The following PCDHGB3 variants were observed in gnomAD, a reference collection of about 807,000 sequenced individuals.
The protein encoded by PCDHGB3 is protocadherin gamma-B3.
PCDHGB3 carries 40 observed loss-of-function variants against 59.2 expected under a neutral mutation model. That is an observed-to-expected ratio of 0.68 (90% CI 0.52 to 0.88). The LOEUF (loss-of-function observed/expected upper bound fraction) is 0.88, where lower values mean the gene tolerates loss of function less well. PCDHGB3 is among the 40% of genes least tolerant of loss of function. PCDHGB3 has a pLI of 0.00. For synonymous variants in PCDHGB3, 581 were observed against 503.6 expected, an observed-to-expected ratio of 1.15 and a Z score of -2.06; for missense variants, 1,309 against 1,187.9, an observed-to-expected ratio of 1.10 and a Z score of -1.50.
At chr5:141,393,768 A>G in intron 1 of PCDHGB3, 1 of 1,613,968 alleles carries the variant, frequency 6.2e-7, no homozygotes, top group East Asian at 2.2e-5. Flanking sequence ...TGAAATGGAA[A>G]TACAAGCCGA....
chr5:141,469,226 A>G (rs998643671), intron 1 of PCDHGB3, among the ~76,000 whole-genome samples: 1 of 152,066 alleles, frequency 6.6e-6, no homozygotes, highest in Non-Finnish European at 1.5e-5. Context: ...TCAGTGAGCC[A>G]TGATCACCCC....
chr5:141,462,070 G>C lies in PCDHGB3; in HGVS notation c.2416-32737G>C, dbSNP rs572217894. Among the ~76,000 whole-genome samples, 18 of 152,196 alleles carry C rather than the reference G, an allele frequency of 1.2e-4. No individual in the cohort carries two copies. In the South Asian group the frequency reaches 3.7e-3, roughly 32 times the overall value. On this transcript the variant is annotated intron_variant, in intron 1 of 3. Coordinates refer to ENST00000576222, the MANE Select transcript of PCDHGB3 (RefSeq NM_018924.5). ...ACTCCCGACCTCAGGTGATCTGCCC[G>C]CCTTGGCCTCCCAAAATGCTGGGAT...
At chr5:141,441,763 G>A in intron 1 of PCDHGB3, 1 of 384,020 alleles carries the variant, frequency 2.6e-6, no homozygotes, top group Non-Finnish European at 5.2e-6. Flanking sequence ...GTGAGCCTGC[G>A]CGTGTTGGTG....
intron 1 of PCDHGB3, chr5:141,415,444 T>A (rs770800491): frequency 1.9e-6 from 3 of 1,614,184 alleles, no homozygotes; most frequent in Non-Finnish European, 2.5e-6. Context: ...CCTGCAGACC[T>A]ATTCCCACGA....
At chr5:141,426,834 A>G (rs1561824131) in intron 1 of PCDHGB3, 1 of 456,724 alleles carries the variant, frequency 2.2e-6, no homozygotes, top group South Asian at 1.5e-5. Flanking sequence ...GATGGACAAG[A>G]CTAAAGGCAA....
At chr5:141,488,183 T>C (rs1249953031) in intron 1 of PCDHGB3, among the ~76,000 whole-genome samples, 1 of 152,148 alleles carries the variant, frequency 6.6e-6, no homozygotes, top group Non-Finnish European at 1.5e-5. Flanking sequence ...CATAGATCTT[T>C]TGGTCTGGGT....
At chr5:141,375,865 GGACA>G in intron 1 of PCDHGB3, 2 of 1,613,976 alleles carry the variant, frequency 1.2e-6, no homozygotes. Context: ...TGGTGGCGGT[GGACA>G]GAGACTCGGG....
chr5:141,500,350 A>G (rs2099799466), intron 2 of PCDHGB3, among the ~76,000 whole-genome samples: 1 of 151,976 alleles, frequency 6.6e-6, no homozygotes, highest in African/African-American at 2.4e-5. Flanking sequence ...CTGGGACTAC[A>G]GGCGCCCACT....
intron 1 of PCDHGB3, chr5:141,374,914 A>G: frequency 6.2e-7 from 1 of 1,613,906 alleles, no homozygotes; most frequent in African/African-American, 1.3e-5. Context: ...ACGGGGAAGT[A>G]ACTTATTCCT....
At chr5:141,375,379 G>A in intron 1 of PCDHGB3, 1 of 1,613,912 alleles carries the variant, frequency 6.2e-7, no homozygotes, top group Non-Finnish European at 8.5e-7. Context: ...CACCACCTCT[G>A]TCTACAGAAA....
chr5:141,383,028 C>A (rs1561593921), intron 1 of PCDHGB3: 23 of 1,613,814 alleles, frequency 1.4e-5, no homozygotes, highest in Non-Finnish European at 1.9e-5. Flanking sequence ...ACAAAGGGTC[C>A]TTTGTGGGAG....
rs1236813956 is a variant in PCDHGB3, at chr5:141,480,634, TTTCAAAC to T, written c.2416-14170_2416-14164del. On this transcript the variant is annotated intron_variant, in intron 1 of 3. Transcript: ENST00000576222. The stretch of plus-strand genomic sequence containing the variant: ...ACTGGCATTTTCCCTAGAACAATGT[TTTCAAAC>T]TTGGTTGCACATTAAAATCACCTAG... Among the ~76,000 whole-genome samples the T allele has an allele frequency of 3.9e-5, 6 of 152,332 alleles. No individual in the cohort carries two copies. In the East Asian group the frequency reaches 1.2e-3, roughly 29 times the overall value.
At chr5:141,420,245 G>T (rs72790042) in intron 1 of PCDHGB3, 1 of 1,584,230 alleles carries the variant, frequency 6.3e-7, no homozygotes, top group East Asian at 2.2e-5. Flanking sequence ...AACTCCCAGC[G>T]TTGAAGCAGA....
At position 141,372,739 on chromosome 5, in the gene PCDHGB3, GT is replaced by G; in HGVS notation, c.2346del (p.Cys782TrpfsTer67). 6.2e-7 allele frequency: 1 copy of G among 1,613,668 alleles called. No individual in the cohort carries two copies. Among genetic ancestry groups the G allele is most frequent in the Non-Finnish European group, 8.5e-7 (1 of 1,179,658 alleles). On this transcript the variant is annotated frameshift_variant, in exon 1 of 4. Coordinates refer to ENST00000576222, the MANE Select transcript of PCDHGB3 (RefSeq NM_018924.5). LOFTEE classifies it high-confidence loss of function. The part of the protein sequence containing the change: ...AENAAPQDLL[C>X]DEASWFESND... ...AATGCTGCACCACAAGATCTTCTAT[GT>G]GATGAAGCCTCTTGGTTTGAAAGTA...
intron 1 of PCDHGB3, among the ~76,000 whole-genome samples, chr5:141,492,824 C>T (rs1027583244): frequency 4.6e-5 from 7 of 152,236 alleles, no homozygotes. Context: ...ACCAGCGGCC[C>T]CTTCCTCCCG....
chr5:141,421,592 T>C (rs1590304832), intron 1 of PCDHGB3: 1 of 1,613,272 alleles, frequency 6.2e-7, no homozygotes, highest in Non-Finnish European at 8.5e-7. Context: ...GGAGTGGAGG[T>C]GGAAATAATA....
In PCDHGB3 at chr5:141,505,470, C is replaced by G; in HGVS notation, c.2552C>G (p.Ala851Gly). 6.2e-7 allele frequency: 1 copy of G among 1,614,186 alleles called. No individual in the cohort carries two copies. Among genetic ancestry groups the G allele is most frequent in the Non-Finnish European group, 8.5e-7 (1 of 1,180,002 alleles). Residue 851 changes from alanine to glycine, a missense_variant, in exon 3 of 4, where the codon GCG (alanine) becomes GGG (glycine). Ala to Gly is a moderately conservative substitution (Grantham distance 60). Transcript: ENST00000576222. ...GAGATGCTGCAAGCCATGATCTTGG[C>G]GTCCGCCAGTGGTAAGTGGTGTCAG... The part of the protein sequence containing the change: ...DTEMLQAMIL[A>G]SASEAADGSS...
chr5:141,470,855 G>A (rs2099242095), intron 1 of PCDHGB3, among the ~76,000 whole-genome samples: 3 of 151,856 alleles, frequency 2.0e-5, no homozygotes, highest in Admixed American at 2.0e-4. Context: ...GCTCAGATAA[G>A]TTTTTTGTTT....
chr5:141,381,826 C>CTTTTTTTTTTTTTT (rs770630741), intron 1 of PCDHGB3, among the ~76,000 whole-genome samples: 11 of 74,282 alleles, frequency 1.5e-4, no homozygotes, highest in Non-Finnish European at 1.7e-4. Context: ...CTTTCTTCTT[C>CTTTTTTTTTTTTTT]TTTTTTTTTT....
Sources: gnomAD v4.1 joint callset for allele counts (sites outside exome capture counted in the v4.1 genomes callset) on GRCh38, gnomAD v4.1.1 for gene constraint, MANE v1.5 for transcripts, NCBI Gene and HGNC (gene_info 2026-07-23, HGNC 2026-07-21) for gene names.